C9orf72: variants seen among roughly 807,000 people sequenced by gnomAD.
The protein encoded by C9orf72 is guanine nucleotide exchange factor C9orf72.
In C9orf72, 44 loss-of-function variants were observed where a neutral mutation model predicts 51.6. That is an observed-to-expected ratio of 0.85 (90% CI 0.67 to 1.10). The LOEUF (loss-of-function observed/expected upper bound fraction) is 1.10. C9orf72 is among the 50% of genes least tolerant of loss of function. The pLI is 0.00. For synonymous variants in C9orf72, 213 were observed against 194.2 expected (o/e 1.10, Z -0.81); for missense variants, 607 against 570.6 (o/e 1.06, Z -0.65).
At chr9:27,552,515 ATTTTTTTTT>A (rs71492751) in intron 8 of C9orf72, among the ~76,000 whole-genome samples, 1 of 105,648 alleles carries the variant, frequency 9.5e-6, no homozygotes, top group Non-Finnish European at 1.8e-5. Flanking sequence ...TACCAAGCTA[ATTTTTTTTT>A]TTTTTTTTTT....
At chr9:27,556,188 TTTG>T (rs1217142914) in intron 8 of C9orf72, among the ~76,000 whole-genome samples, 1 of 152,184 alleles carries the variant, frequency 6.6e-6, no homozygotes, top group African/African-American at 2.4e-5. Context: ...CTTCTTTGGT[TTTG>T]TTAATAAGTC....
At chr9:27,553,908 A>C (rs1177909867) in intron 8 of C9orf72, among the ~76,000 whole-genome samples, 1 of 152,192 alleles carries the variant, frequency 6.6e-6, no homozygotes, top group Non-Finnish European at 1.5e-5. Context: ...TTTTCAGAAG[A>C]ATATATACAG....
At chr9:27,562,102 C>A (rs1819364367) in intron 4 of C9orf72, among the ~76,000 whole-genome samples, 1 of 152,136 alleles carries the variant, frequency 6.6e-6, no homozygotes, top group African/African-American at 2.4e-5. Context: ...ATATTAATTG[C>A]TCCTATAAGA....
chr9:27,562,437 G>A lies in C9orf72; in HGVS notation c.544C>T (p.Pro182Ser), dbSNP rs373783122. ...IIPMLTGEVI[P>S]VMELLSSMKS... ...ATAGATGAAAGCAGTTCCATTACAG[G>A]AATCACTTCTCCAGTAAGCATTGGA... The change falls in exon 4 of 11, where the codon CCT becomes TCT. Residue 182 changes from proline (P) to serine (S), a missense_variant. Transcript: ENST00000380003. The A allele has an allele frequency of 1.3e-6, 2 of 1,594,672 alleles. No individual in the cohort carries two copies. Among genetic ancestry groups the A allele is most frequent in the Non-Finnish European group, 1.7e-6 (2 of 1,169,914 alleles).
intron 8 of C9orf72, among the ~76,000 whole-genome samples, chr9:27,553,730 G>A (rs1232909451): frequency 1.3e-5 from 2 of 152,036 alleles, no homozygotes; most frequent in African/African-American, 4.8e-5. Flanking sequence ...CTCCTGCATG[G>A]CAAAAGAAAC....
chr9:27,560,598 G>C, intron 5 of C9orf72: 1 of 924,874 alleles, frequency 1.1e-6, no homozygotes, highest in Non-Finnish European at 1.3e-6. Context: ...TTGACATGTA[G>C]AGAGATTAAG....
chr9:27,550,574 A>T (rs1295548552), intron 9 of C9orf72, 76 bp downstream of exon 9: 1 of 867,574 alleles, frequency 1.2e-6, no homozygotes, highest in Non-Finnish European at 1.9e-6. Flanking sequence ...AATATATAGA[A>T]CAGGCATTGT....
chr9:27,550,385 A>G (rs1820882330), intron 9 of C9orf72, among the ~76,000 whole-genome samples: 1 of 152,060 alleles, frequency 6.6e-6, no homozygotes, highest in Admixed American at 6.6e-5. Flanking sequence ...AAAGATAGCA[A>G]TAATATTTAT....
intron 2 of C9orf72, 23 bp from the exon 3 acceptor site, chr9:27,565,613 A>G (rs1819451124): frequency 2.0e-6 from 3 of 1,471,214 alleles, no homozygotes; most frequent in African/African-American, 2.8e-5. Flanking sequence ...AAATTTATTT[A>G]AAAAAACAAC....
At chr9:27,570,691 C>A (rs1269600550) in intron 1 of C9orf72, among the ~76,000 whole-genome samples, 1 of 152,066 alleles carries the variant, frequency 6.6e-6, no homozygotes, top group Non-Finnish European at 1.5e-5. Flanking sequence ...CATGGTGAAA[C>A]CCCACCTCTA....
intron 8 of C9orf72, among the ~76,000 whole-genome samples, chr9:27,553,144 CCAAAG>C: frequency 6.6e-6 from 1 of 152,100 alleles, no homozygotes; most frequent in South Asian, 2.1e-4. Flanking sequence ...GCCATACTGC[CCAAAG>C]CAATCTACAG....
chr9:27,555,086 C>T (rs184370056), intron 8 of C9orf72, among the ~76,000 whole-genome samples: 24 of 152,134 alleles, frequency 1.6e-4, no homozygotes, highest in African/African-American at 4.1e-4. Context: ...AATCAAAAAA[C>T]GGAAAAAATA....
In C9orf72 at chr9:27,548,610, T is replaced by C. The variant is rs770228283; in HGVS notation, c.1206A>G (p.Leu402=). 2 of 1,612,902 alleles carry C rather than the reference T, an allele frequency of 1.2e-6. No individual in the cohort carries two copies. The highest frequency in any genetic ancestry group is 8.5e-7 in the Non-Finnish European group (1 of 1,178,958). ...SLRSTFLAQF[L]LVLHRKALTL... ...TCAAGGCTTTTCTGTGAAGGACAAGTAGAAACTGTGCAAGGAAAGTACTTC... is the reference window on the plus strand; with the variant it reads ...TCAAGGCTTTTCTGTGAAGGACAAGCAGAAACTGTGCAAGGAAAGTACTTC... Residue 402 remains leucine, a synonymous_variant, in exon 10 of 11, where the codon CTA becomes CTG. Coordinates refer to ENST00000380003, the MANE Select transcript of C9orf72 (RefSeq NM_018325.5).
chr9:27,561,474 T>A, intron 5 of C9orf72, 111 bp downstream of exon 5: 1 of 1,249,944 alleles, frequency 8.0e-7, no homozygotes, highest in Non-Finnish European at 1.1e-6. Flanking sequence ...GTAATGTCCC[T>A]AGAACAATCT....
chr9:27,565,643 G>A, intron 2 of C9orf72, 53 bp from the exon 3 acceptor site: 3 of 1,114,478 alleles, frequency 2.7e-6, no homozygotes, highest in South Asian at 2.5e-5. Context: ...TTTGATACTT[G>A]CTTATTTTTC....
chr9:27,561,826 A>C (rs1245164112), intron 4 of C9orf72, among the ~76,000 whole-genome samples, 177 bp from the exon 5 acceptor site: 1 of 152,188 alleles, frequency 6.6e-6, no homozygotes, highest in African/African-American at 2.4e-5. Flanking sequence ...TCAGAAGAAC[A>C]AATGTGAAAG....
chr9:27,548,227 GT>G lies in C9orf72; in HGVS notation c.*8del. ...GATTGTGATGGAATAGGCTTATTAAGTTACACATTTAAAAAGTCATTAGAAC... is the reference window on the plus strand; with the variant it reads ...GATTGTGATGGAATAGGCTTATTAAGTACACATTTAAAAAGTCATTAGAAC... On this transcript the variant is annotated 3_prime_UTR_variant, in exon 11 of 11. Coordinates refer to ENST00000380003, the MANE Select transcript of C9orf72 (RefSeq NM_018325.5). The G allele has an allele frequency of 6.3e-7, 1 of 1,596,842 alleles. No individual in the cohort carries two copies. Among genetic ancestry groups the G allele is most frequent in the Non-Finnish European group, 8.6e-7 (1 of 1,168,794 alleles).
chr9:27,558,784 T>G (rs1014311272), intron 6 of C9orf72, 177 bp from the exon 7 acceptor site: 7 of 479,276 alleles, frequency 1.5e-5, no homozygotes, highest in Non-Finnish European at 3.7e-6. Context: ...ATAGGGATTC[T>G]GTGGTCAAAT....
At position 27,547,190 on chromosome 9, in the gene C9orf72, A is replaced by G. The variant is rs544706380; in HGVS notation, c.*1046T>C. 1.3e-5 allele frequency: 2 copies of G among 152,768 alleles called. No individual in the cohort carries two copies. Among genetic ancestry groups the G allele is most frequent in the Middle Eastern group, 3.4e-3 (1 of 294 alleles). 9.5% of individuals were successfully genotyped at this position (152,768 alleles called of 1,614,324 possible). A position where few individuals can be genotyped will look rare whatever the true frequency, so the allele number is the denominator to read the frequency against. On this transcript the variant is annotated 3_prime_UTR_variant, in exon 11 of 11. Transcript: ENST00000380003. ...TATTCCTTATAGCCTATTGCAGGCA[A>G]ACAGCAACAACTTCAAAAACATAGG...
Sources: allele counts gnomAD v4.1 joint callset (sites outside exome capture counted in the v4.1 genomes callset), GRCh38; gene constraint gnomAD v4.1.1; transcripts MANE v1.5; gene names NCBI Gene and HGNC (gene_info 2026-07-23, HGNC 2026-07-21).